CADM2: variants seen among roughly 807,000 people sequenced by gnomAD.
The protein encoded by CADM2 is immunoglobulin superfamily member 4D.
CADM2 carries 12 observed loss-of-function variants against 49.8 expected under a neutral mutation model. The observed-to-expected ratio is 0.24, with a 90% CI of 0.15 to 0.39. CADM2 has a LOEUF of 0.39. Ranked by LOEUF, CADM2 falls within the 10% of genes least tolerant of loss-of-function variation. The pLI is 1.00. For synonymous variants in CADM2, 214 were observed against 175.4 expected, an observed-to-expected ratio of 1.22 and a Z score of -1.74; for missense variants, 378 against 492.3, an observed-to-expected ratio of 0.77 and a Z score of 2.20.
intron 1 of CADM2, among the ~76,000 whole-genome samples, chr3:85,515,610 AATAT>A (rs200627018): frequency 1.8e-5 from 2 of 113,308 alleles, no homozygotes; most frequent in African/African-American, 6.6e-5. Flanking sequence ...CACGCCCACT[AATAT>A]ATATATATAT....
At chr3:85,840,413 T>G (rs1414003409) in intron 3 of CADM2, among the ~76,000 whole-genome samples, 6 of 151,946 alleles carry the variant, frequency 3.9e-5, no homozygotes, top group African/African-American at 4.8e-5. Flanking sequence ...TGTGGTAACA[T>G]GTAGCCTTTT....
intron 3 of CADM2, among the ~76,000 whole-genome samples, chr3:85,833,990 T>TA (rs1296439968): frequency 6.6e-6 from 1 of 151,668 alleles, no homozygotes; most frequent in African/African-American, 2.4e-5. Context: ...CCAATCCATG[T>TA]ACATGGGATG....
In CADM2 at chr3:86,065,696, C is replaced by T. The variant is rs763916746; in HGVS notation, c.1062C>T (p.Ile354=). 1.2e-6 allele frequency: 2 copies of T among 1,613,972 alleles called. No homozygotes were observed. Among genetic ancestry groups the T allele is most frequent in the East Asian group, 2.2e-5 (1 of 44,812 alleles). Residue 354 remains isoleucine (I), a synonymous_variant, in exon 9 of 10, where the codon ATC becomes ATT. Coordinates refer to ENST00000383699, the MANE Select transcript of CADM2 (RefSeq NM_001167675.2). Reference sequence around the variant, plus strand: ...TTGTATTTGTCACGCTGTGTTCTATCTTTCTGCTTGGTCGATATCTGGCAA... The same window carrying T: ...TTGTATTTGTCACGCTGTGTTCTATTTTTCTGCTTGGTCGATATCTGGCAA... ...AVVVFVTLCS[I]FLLGRYLARH... is the part of the protein sequence containing the mutation.
intron 2 of CADM2, among the ~76,000 whole-genome samples, chr3:85,757,689 G>C (rs1160545982): frequency 6.6e-6 from 1 of 152,122 alleles, no homozygotes; most frequent in African/African-American, 2.4e-5. Flanking sequence ...TAGTATTGTA[G>C]ATTCTAGGGA....
At chr3:85,613,184 A>G (rs1207268291) in intron 1 of CADM2, among the ~76,000 whole-genome samples, 2 of 151,842 alleles carry the variant, frequency 1.3e-5, no homozygotes, top group African/African-American at 4.8e-5. Flanking sequence ...CAAAGAGAAT[A>G]TTAAGCAGTG....
At chr3:85,169,064 T>A (rs1312086054) in intron 1 of CADM2, among the ~76,000 whole-genome samples, 1 of 152,164 alleles carries the variant, frequency 6.6e-6, no homozygotes, top group Non-Finnish European at 1.5e-5. Context: ...GGGATTCTTC[T>A]GCCTCAGCCT....
At chr3:85,724,069 T>C (rs1004442033) in intron 1 of CADM2, among the ~76,000 whole-genome samples, 61 of 152,144 alleles carry the variant, frequency 4.0e-4, no homozygotes, top group Non-Finnish European at 3.4e-4. Flanking sequence ...GAAAATAATT[T>C]TAAATTATTT....
intron 1 of CADM2, among the ~76,000 whole-genome samples, chr3:85,373,300 C>T (rs961159503): frequency 6.6e-6 from 1 of 152,116 alleles, no homozygotes; most frequent in Non-Finnish European, 1.5e-5. Context: ...AAATTTAGTG[C>T]ACCAGTCAAA....
chr3:85,601,910 A>C (rs1345191185), intron 1 of CADM2, among the ~76,000 whole-genome samples: 1 of 151,742 alleles, frequency 6.6e-6, no homozygotes, highest in Non-Finnish European at 1.5e-5. Context: ...ATTTAAACAG[A>C]AGTGTGATTT....
At chr3:85,118,206 T>G (rs985473940) in intron 1 of CADM2, among the ~76,000 whole-genome samples, 5 of 152,048 alleles carry the variant, frequency 3.3e-5, no homozygotes, top group South Asian at 2.1e-4. Flanking sequence ...TTATATGAAG[T>G]TATATGGGAT....
chr3:85,658,734 C>T (rs1302991609), intron 1 of CADM2, among the ~76,000 whole-genome samples: 2 of 150,506 alleles, frequency 1.3e-5, no homozygotes, highest in African/African-American at 2.4e-5. Context: ...AGTGTTCTTA[C>T]AGCACAGAAG....
chr3:85,095,406 T>C (rs1378875243), intron 1 of CADM2, among the ~76,000 whole-genome samples: 2 of 152,162 alleles, frequency 1.3e-5, no homozygotes, highest in Non-Finnish European at 1.5e-5. Context: ...ATTTGTGCAG[T>C]AGGCTCAGAA....
At chr3:85,232,268 G>C (rs2042311254) in intron 1 of CADM2, among the ~76,000 whole-genome samples, 1 of 151,908 alleles carries the variant, frequency 6.6e-6, no homozygotes, top group Non-Finnish European at 1.5e-5. Flanking sequence ...AACTGCCAGG[G>C]AAAGATCCTT....
chr3:85,466,741 T>C (rs1468800944), intron 1 of CADM2, among the ~76,000 whole-genome samples: 2 of 151,308 alleles, frequency 1.3e-5, no homozygotes, highest in Non-Finnish European at 2.9e-5. Context: ...TTCAAATTTT[T>C]AACAAAAAAA....
At chr3:85,656,770 A>G (rs1371430357) in intron 1 of CADM2, among the ~76,000 whole-genome samples, 1 of 152,198 alleles carries the variant, frequency 6.6e-6, no homozygotes, top group African/African-American at 2.4e-5. Context: ...CAAAACAAAT[A>G]TCTTTACTAA....
intron 1 of CADM2, among the ~76,000 whole-genome samples, chr3:85,431,034 C>T (rs1025533): frequency 0.25 from 37,996 of 151,948 alleles, 4,916 homozygotes; most frequent in South Asian, 0.34. Context: ...ATCTCATATA[C>T]AACAGTGGTC....
rs188930838 is a variant in CADM2, at chr3:85,287,339, A to G, written c.61+327671A>G. 1.8e-3 allele frequency among the ~76,000 whole-genome samples: 271 copies of G among 152,128 alleles called. 1 individual carries two copies. The highest frequency in any genetic ancestry group is 6.3e-3 in the African/African-American group (261 of 41,510). On this transcript the variant is annotated intron_variant, in intron 1 of 9. Transcript: ENST00000383699. Reference sequence around the variant, plus strand: ...TGTGAAGGAATACTTTTTTCTTTGAATATATGTAAACTGGTTTTTAATCAT... The same window carrying G: ...TGTGAAGGAATACTTTTTTCTTTGAGTATATGTAAACTGGTTTTTAATCAT...
intron 8 of CADM2, among the ~76,000 whole-genome samples, chr3:86,018,170 T>A (rs1409790392): frequency 7.9e-6 from 1 of 126,354 alleles, no homozygotes; most frequent in Non-Finnish European, 1.6e-5. Flanking sequence ...GAATGATGAT[T>A]TCCAATTTCA....
chr3:85,864,001 G>C (rs77369346), intron 3 of CADM2, among the ~76,000 whole-genome samples: 1 of 152,268 alleles, frequency 6.6e-6, no homozygotes, highest in African/African-American at 2.4e-5. Context: ...TTATGAAAAC[G>C]TGAAGAGCAC....
Sources: allele counts gnomAD v4.1 joint callset (sites outside exome capture counted in the v4.1 genomes callset), GRCh38; gene constraint gnomAD v4.1.1; transcripts MANE v1.5; gene names NCBI Gene and HGNC (gene_info 2026-07-23, HGNC 2026-07-21).